ZFP1: variants seen among roughly 807,000 people sequenced by gnomAD.
ZFP1 encodes zinc finger protein 1 homolog.
In ZFP1, 32 loss-of-function variants were observed where a neutral mutation model predicts 38.5. The ratio of observed to expected loss-of-function variants is 0.83; its 90% CI spans 0.63 to 1.12. The LOEUF is 1.12. Ranked by LOEUF, ZFP1 falls within the 50% of genes most tolerant of loss-of-function variation. The probability of loss-of-function intolerance (pLI) is 0.00; values close to 1 mark genes in which losing one functional copy is unlikely to be tolerated. For synonymous variants in ZFP1, 245 were observed against 168.8 expected, an observed-to-expected ratio of 1.45 and a Z score of -3.50; for missense variants, 616 against 480.8, an observed-to-expected ratio of 1.28 and a Z score of -2.63.
intron 2 of ZFP1, among the ~76,000 whole-genome samples, chr16:75,165,368 G>A (rs1270717761): frequency 1.3e-5 from 2 of 151,970 alleles, no homozygotes; most frequent in African/African-American, 2.4e-5. Context: ...CAGGTTTTTT[G>A]TACCTCTGAA....
At chr16:75,127,374 C>T in the ZFP1 span, among the ~76,000 whole-genome samples, 17 of 151,550 alleles carry the variant, frequency 1.1e-4, no homozygotes, top group Admixed American at 3.3e-4. Flanking sequence ...CCGGCCTGGG[C>T]GACAGAGCAA....
the ZFP1 span, among the ~76,000 whole-genome samples, chr16:75,138,408 A>C: frequency 6.6e-6 from 1 of 152,166 alleles, no homozygotes; most frequent in African/African-American, 2.4e-5. Context: ...AAGGACAAAC[A>C]AAAGGAGTAA....
At chr16:75,138,604 G>C in the ZFP1 span, among the ~76,000 whole-genome samples, 1 of 152,310 alleles carries the variant, frequency 6.6e-6, no homozygotes, top group African/African-American at 2.4e-5. Context: ...CTAAGATGAG[G>C]TCACACTGGA....
rs992827186 is a variant in ZFP1, at chr16:75,171,921, C to T, written c.*1587C>T. 1 of 152,204 alleles carries T rather than the reference C, an allele frequency of 6.6e-6. No homozygotes were observed. Among genetic ancestry groups the T allele is most frequent in the Non-Finnish European group, 1.5e-5 (1 of 68,036 alleles). 9.4% of individuals were successfully genotyped at this position (152,204 alleles called of 1,614,324 possible). A position where few individuals can be genotyped will look rare whatever the true frequency, so the allele number is the denominator to read the frequency against. ...GAGTCTGTTTTAACATTAATATACT[C>T]TTACAACCTAGGAATCTCCTGGGAA... On this transcript the variant is annotated 3_prime_UTR_variant, in exon 4 of 4. Transcript: ENST00000570010.
the ZFP1 span, among the ~76,000 whole-genome samples, chr16:75,122,534 A>T: frequency 1.3e-5 from 2 of 152,244 alleles, no homozygotes; most frequent in Non-Finnish European, 2.9e-5. Context: ...GAATCAAAGA[A>T]TAAGAGAGCT....
At chr16:75,119,213 G>A in the ZFP1 span, among the ~76,000 whole-genome samples, 1 of 152,168 alleles carries the variant, frequency 6.6e-6, no homozygotes, top group African/African-American at 2.4e-5. Context: ...GGTAACCACA[G>A]AAGAATTCTG....
chr16:75,134,941 C>G, the ZFP1 span, among the ~76,000 whole-genome samples: 13 of 152,016 alleles, frequency 8.6e-5, no homozygotes, highest in African/African-American at 2.9e-4. Context: ...GTAATCCCAG[C>G]TACTCGGGAG....
rs563426494 is a variant in ZFP1, at chr16:75,169,572, A to G, written c.462A>G (p.Glu154=). 7 of 1,603,760 alleles carry G rather than the reference A, an allele frequency of 4.4e-6. No individual in the cohort carries two copies. The highest frequency in any genetic ancestry group is 1.8e-5 in the Admixed American group (1 of 56,552). The change falls in exon 4 of 4, where the codon GAA becomes GAG. Residue 154 remains glutamate (E), a synonymous_variant. Coordinates refer to ENST00000570010, the MANE Select transcript of ZFP1 (RefSeq NM_153688.4). ...AAGAGAAAACCCACAGTGGAGTAGA[A>G]TATTCTGAATACAATAAAAGTGGAA... is the stretch of plus-strand genomic sequence containing the variant. ...LKQEKTHSGV[E]YSEYNKSGKA...
Position 75,169,389 on chromosome 16 carries a change from C to T in ZFP1, c.279C>T (p.Asn93=), listed in dbSNP as rs948478412. Residue 93 remains asparagine, a synonymous_variant, in exon 4 of 4, where the codon AAC becomes AAT. Coordinates refer to ENST00000570010, the MANE Select transcript of ZFP1 (RefSeq NM_153688.4). ...GDLFGKALNL[N]TDFVSLRQVP... ...TCTTTGGAAAAGCACTTAATCTGAA[C>T]ACAGACTTTGTTTCTTTAAGACAAG... 1.9e-6 allele frequency: 3 copies of T among 1,614,148 alleles called. No individual in the cohort carries two copies. Among genetic ancestry groups the T allele is most frequent in the Admixed American group, 3.3e-5 (2 of 60,014 alleles).
the ZFP1 span, among the ~76,000 whole-genome samples, chr16:75,137,637 T>C: frequency 1.4e-3 from 219 of 151,856 alleles, 2 homozygotes; most frequent in Non-Finnish European, 1.1e-3. Context: ...CTAATTTTTT[T>C]TTGTATTTTT....
the ZFP1 span, among the ~76,000 whole-genome samples, chr16:75,141,385 T>A: frequency 6.6e-6 from 1 of 151,684 alleles, no homozygotes; most frequent in Admixed American, 6.6e-5. Context: ...TGTATTTTTT[T>A]AAGCAGAGAC....
Position 75,170,616 on chromosome 16 carries a change from A to G in ZFP1, c.*282A>G. ...CTTGAATGAATTGAGTATTCTAGAC[A>G]GCAGCATAAGAAATATACAAACAGT... On this transcript the variant is annotated 3_prime_UTR_variant, in exon 4 of 4. Coordinates refer to ENST00000570010, the MANE Select transcript of ZFP1 (RefSeq NM_153688.4). 3.2e-6 allele frequency: 1 copy of G among 314,372 alleles called. No individual in the cohort carries two copies. The highest frequency in any genetic ancestry group is 2.1e-5 in the African/African-American group (1 of 47,120). 19.5% of individuals were successfully genotyped at this position (314,372 alleles called of 1,614,324 possible). A position where few individuals can be genotyped will look rare whatever the true frequency, so the allele number is the denominator to read the frequency against.
the ZFP1 span, chr16:75,119,565 C>T: frequency 1.3e-5 from 2 of 152,122 alleles, no homozygotes; most frequent in Non-Finnish European, 2.9e-5. Flanking sequence ...CAGTCTTCAG[C>T]CTGAAACCCA....
chr16:75,148,014 A>G (rs960152642), upstream of ZFP1, among the ~76,000 whole-genome samples: 3 of 152,198 alleles, frequency 2.0e-5, no homozygotes, highest in Non-Finnish European at 2.9e-5. Flanking sequence ...CATCTTAAAT[A>G]TATAGATCTC....
At chr16:75,128,211 G>A in the ZFP1 span, among the ~76,000 whole-genome samples, 5 of 152,184 alleles carry the variant, frequency 3.3e-5, no homozygotes, top group African/African-American at 1.2e-4. Context: ...TCACTGTGGG[G>A]CCCAGGAGCC....
At chr16:75,146,755 A>G (rs2145480624), upstream of ZFP1, among the ~76,000 whole-genome samples, 1 of 152,236 alleles carries the variant, frequency 6.6e-6, no homozygotes. Flanking sequence ...CCTGGGCAAC[A>G]TGGCAAAATG....
chr16:75,139,368 CAAAAAAAAAAAAAA>C, the ZFP1 span, among the ~76,000 whole-genome samples: 1 of 42,744 alleles, frequency 2.3e-5, no homozygotes, highest in Non-Finnish European at 3.7e-5. Flanking sequence ...GACTCCATCT[CAAAAAAAAAAAAAA>C]AAAAAAAAAA....
rs543987217 is a variant in ZFP1, at chr16:75,167,153, G to T, written c.142+257G>T. On this transcript the variant is annotated intron_variant, in intron 3 of 3. Transcript: ENST00000570010. ...TGCAATTTTCAAGTTGGAGCAACCA[G>T]AAGAGTTTTGGGTAGCATAGAGTTG... 6.7e-4 allele frequency among the ~76,000 whole-genome samples: 102 copies of T among 152,356 alleles called. 1 individual carries two copies. The highest frequency in any genetic ancestry group is 2.2e-3 in the African/African-American group (93 of 41,582).
chr16:75,152,487 C>T (rs530871046), intron 1 of ZFP1, among the ~76,000 whole-genome samples: 58 of 152,304 alleles, frequency 3.8e-4, no homozygotes, highest in African/African-American at 1.4e-3. Context: ...AAGATCAACT[C>T]TGTTACTGTA....
Sources: allele counts gnomAD v4.1 joint callset (sites outside exome capture counted in the v4.1 genomes callset), GRCh38; gene constraint gnomAD v4.1.1; transcripts MANE v1.5; gene names NCBI Gene and HGNC (gene_info 2026-07-23, HGNC 2026-07-21).